Variants in THSD7A observed in about 807,000 individuals in gnomAD.
THSD7A encodes the protein thrombospondin type-1 domain-containing protein 7A.
A neutral mutation model predicts 231.3 loss-of-function variants in THSD7A; 96 were observed. The observed-to-expected ratio is 0.41, with a 90% CI of 0.35 to 0.49. The LOEUF (loss-of-function observed/expected upper bound fraction) is 0.49, where lower values mean the gene tolerates loss of function less well. Ranked by LOEUF, THSD7A falls within the 20% of genes least tolerant of loss-of-function variation. The pLI is 0.05. For synonymous variants in THSD7A, 940 were observed against 743.3 expected, an observed-to-expected ratio of 1.26 and a Z score of -4.30; for missense variants, 2,290 against 2,070.2, an observed-to-expected ratio of 1.11 and a Z score of -2.06.
chr7:11,615,627 C>T (rs1261519320), intron 2 of THSD7A, among the ~76,000 whole-genome samples: 3 of 152,032 alleles, frequency 2.0e-5, no homozygotes, highest in Non-Finnish European at 4.4e-5. Context: ...ATATAGTGTA[C>T]TCATTTTATA....
chr7:11,655,013 T>A (rs1782653294), intron 1 of THSD7A, among the ~76,000 whole-genome samples: 1 of 151,886 alleles, frequency 6.6e-6, no homozygotes, highest in Non-Finnish European at 1.5e-5. Context: ...ATAGCCAAGA[T>A]CTTCCAACCA....
intron 6 of THSD7A, among the ~76,000 whole-genome samples, chr7:11,513,758 T>C (rs1285260006): frequency 6.6e-6 from 1 of 152,230 alleles, no homozygotes; most frequent in African/African-American, 2.4e-5. Flanking sequence ...TGCCACTGTA[T>C]TGTGCACTTT....
At chr7:11,767,364 T>C (rs889010939) in intron 1 of THSD7A, among the ~76,000 whole-genome samples, 1 of 152,152 alleles carries the variant, frequency 6.6e-6, no homozygotes, top group Non-Finnish European at 1.5e-5. Flanking sequence ...TGTGGTTACT[T>C]TCCTCCAGTC....
At chr7:11,794,763 T>C (rs1397144329) in intron 1 of THSD7A, among the ~76,000 whole-genome samples, 1 of 151,984 alleles carries the variant, frequency 6.6e-6, no homozygotes, top group African/African-American at 2.4e-5. Flanking sequence ...CCACCCACTC[T>C]ACTATCCTAC....
chr7:11,818,065 C>A (rs1784763206), intron 1 of THSD7A, among the ~76,000 whole-genome samples: 1 of 152,144 alleles, frequency 6.6e-6, no homozygotes, highest in African/African-American at 2.4e-5. Context: ...ATAAAAATGA[C>A]TTTTAAATAG....
At chr7:11,486,327 T>C (rs1277333415) in intron 6 of THSD7A, among the ~76,000 whole-genome samples, 1 of 152,206 alleles carries the variant, frequency 6.6e-6, no homozygotes, top group Non-Finnish European at 1.5e-5. Flanking sequence ...TAGGAGTACA[T>C]TAAACACGCA....
chr7:11,594,911 C>T (rs1028355881), intron 2 of THSD7A, among the ~76,000 whole-genome samples: 1 of 152,138 alleles, frequency 6.6e-6, no homozygotes, highest in Admixed American at 6.5e-5. Context: ...AGAATGGGAC[C>T]CTGCAACTTG....
chr7:11,420,414 G>A lies in THSD7A; in HGVS notation c.3384-2811C>T, dbSNP rs150086406. ...GTACAGCTCAGGCTATTGCATTAGA[G>A]GGTGCAAGTCCCAAACCCTTGTGGC... On this transcript the variant is annotated intron_variant, in intron 16 of 27. Transcript: ENST00000423059. Among the ~76,000 whole-genome samples, 8 of 152,358 alleles carry A rather than the reference G, an allele frequency of 5.3e-5. No homozygotes were observed. The East Asian group carries it at 1.5e-3, about 29-fold the overall frequency.
intron 4 of THSD7A, among the ~76,000 whole-genome samples, chr7:11,550,564 C>T (rs1269296998): frequency 1.3e-5 from 2 of 152,100 alleles, no homozygotes; most frequent in East Asian, 1.9e-4. Context: ...CTCTCTCTTT[C>T]CTGCCATCTT....
intron 6 of THSD7A, among the ~76,000 whole-genome samples, chr7:11,518,217 A>C (rs1788114902): frequency 6.6e-6 from 1 of 152,178 alleles, no homozygotes; most frequent in African/African-American, 2.4e-5. Flanking sequence ...AGACACAGGC[A>C]TGTACACAAT....
At chr7:11,506,400 T>G (rs188054249) in intron 6 of THSD7A, among the ~76,000 whole-genome samples, 24 of 152,354 alleles carry the variant, frequency 1.6e-4, no homozygotes, top group South Asian at 4.1e-4. Context: ...CCATTATTAG[T>G]ACTACATTCA....
At chr7:11,761,024 G>T (rs956333515) in intron 1 of THSD7A, among the ~76,000 whole-genome samples, 1 of 149,816 alleles carries the variant, frequency 6.7e-6, no homozygotes, top group African/African-American at 2.4e-5. Context: ...ATATTGCTAA[G>T]ATGCTGATAA....
At chr7:11,570,702 C>T (rs556515972) in intron 4 of THSD7A, among the ~76,000 whole-genome samples, 2 of 152,212 alleles carry the variant, frequency 1.3e-5, no homozygotes, top group African/African-American at 4.8e-5. Context: ...GTTTTAAAAT[C>T]CTTTTAATTG....
intron 4 of THSD7A, among the ~76,000 whole-genome samples, chr7:11,545,823 A>C (rs62432855): frequency 0.11 from 17,480 of 152,140 alleles, 2,030 homozygotes; most frequent in African/African-American, 0.3. Flanking sequence ...ATAGCTGCAG[A>C]AGAGCATGGC....
At chr7:11,782,896 T>C (rs1389054929) in intron 1 of THSD7A, among the ~76,000 whole-genome samples, 3 of 152,046 alleles carry the variant, frequency 2.0e-5, no homozygotes, top group Non-Finnish European at 4.4e-5. Flanking sequence ...TTGTTGACTG[T>C]CTGTTTTACT....
intron 1 of THSD7A, among the ~76,000 whole-genome samples, chr7:11,655,279 T>C (rs1290604597): frequency 6.6e-6 from 1 of 151,940 alleles, no homozygotes; most frequent in African/African-American, 2.4e-5. Flanking sequence ...GATCCACAAG[T>C]ATGCTGTAAC....
intron 4 of THSD7A, among the ~76,000 whole-genome samples, chr7:11,560,761 A>T (rs1156765204): frequency 1.3e-5 from 2 of 151,818 alleles, no homozygotes; most frequent in African/African-American, 4.8e-5. Context: ...CTGAGTAACA[A>T]ACCCAACTTG....
intron 4 of THSD7A, among the ~76,000 whole-genome samples, chr7:11,549,506 T>C (rs903136142): frequency 6.6e-5 from 10 of 152,170 alleles, no homozygotes; most frequent in African/African-American, 2.2e-4. Flanking sequence ...CTATTCACAA[T>C]AGCAAAGACA....
chr7:11,647,672 T>A (rs927538611), intron 1 of THSD7A, among the ~76,000 whole-genome samples: 1 of 152,124 alleles, frequency 6.6e-6, no homozygotes, highest in Non-Finnish European at 1.5e-5. Flanking sequence ...CCTCTGATTA[T>A]GATGCTGGAG....
Sources: gnomAD v4.1 joint callset for allele counts (sites outside exome capture counted in the v4.1 genomes callset) on GRCh38, gnomAD v4.1.1 for gene constraint, MANE v1.5 for transcripts, NCBI Gene and HGNC (gene_info 2026-07-23, HGNC 2026-07-21) for gene names.